Variants in SFMBT2 observed in about 807,000 individuals in gnomAD.
SFMBT2 encodes Scm like with four mbt domains 2, also known as scm-like with four MBT domains protein 2.
Under a neutral mutation model 110.1 loss-of-function variants are expected in SFMBT2, and 38 were observed. The ratio of observed to expected loss-of-function variants is 0.35; its 90% CI spans 0.27 to 0.45. The LOEUF (loss-of-function observed/expected upper bound fraction) is 0.45, where lower values mean the gene tolerates loss of function less well. Among genes scored for constraint, SFMBT2 ranks in the 20% least tolerant of loss-of-function variants. The pLI is 1.00. For synonymous variants in SFMBT2, 425 were observed against 425.4 expected (o/e 1.00, Z 0.01); for missense variants, 1,011 against 1,094.9 (o/e 0.92, Z 1.08).
intron 4 of SFMBT2, among the ~76,000 whole-genome samples, chr10:7,336,961 C>A (rs1450317713): frequency 6.6e-6 from 1 of 152,220 alleles, no homozygotes; most frequent in South Asian, 2.1e-4. Context: ...ACCATTAGAC[C>A]CAACTATTTA....
intron 16 of SFMBT2, among the ~76,000 whole-genome samples, chr10:7,187,680 T>C (rs1838460434): frequency 6.6e-6 from 1 of 152,210 alleles, no homozygotes; most frequent in Admixed American, 6.5e-5. Flanking sequence ...ACATCTTCAG[T>C]CACAGTACTA....
intron 2 of SFMBT2, among the ~76,000 whole-genome samples, chr10:7,371,644 T>C (rs1314560050): frequency 6.6e-6 from 1 of 152,220 alleles, no homozygotes; most frequent in Non-Finnish European, 1.5e-5. Context: ...GGCAAGGCCA[T>C]GATAAGAACA....
At chr10:7,364,005 T>C (rs890653062) in intron 4 of SFMBT2, among the ~76,000 whole-genome samples, 7 of 152,174 alleles carry the variant, frequency 4.6e-5, no homozygotes, top group Non-Finnish European at 7.3e-5. Context: ...TTTACAATGA[T>C]ATCAGGTCTC....
intron 11 of SFMBT2, among the ~76,000 whole-genome samples, chr10:7,217,833 C>T (rs1588349722): frequency 1.3e-5 from 2 of 152,200 alleles, no homozygotes; most frequent in South Asian, 4.1e-4. Flanking sequence ...GAAGGCACTG[C>T]CTCCTTTCCG....
chr10:7,332,147 A>G (rs180749917), intron 4 of SFMBT2, among the ~76,000 whole-genome samples: 16 of 152,280 alleles, frequency 1.1e-4, no homozygotes, highest in Non-Finnish European at 5.9e-5. Context: ...TCTTGGTACC[A>G]ATGAGCCACT....
At chr10:7,303,407 A>C (rs1048350640) in intron 4 of SFMBT2, among the ~76,000 whole-genome samples, 1 of 152,234 alleles carries the variant, frequency 6.6e-6, no homozygotes, top group Admixed American at 6.5e-5. Context: ...TTCATGCCAG[A>C]TGAGTACAGA....
At chr10:7,290,859 G>A (rs1242448082) in intron 4 of SFMBT2, among the ~76,000 whole-genome samples, 5 of 152,098 alleles carry the variant, frequency 3.3e-5, no homozygotes, top group Non-Finnish European at 7.4e-5. Context: ...AAGAAAGCAA[G>A]CTATCTACAA....
At chr10:7,397,189 C>T (rs1343822917) in intron 1 of SFMBT2, among the ~76,000 whole-genome samples, 1 of 152,062 alleles carries the variant, frequency 6.6e-6, no homozygotes, top group Non-Finnish European at 1.5e-5. Context: ...TCATCAGGTC[C>T]CCCCAGGCTC....
At chr10:7,228,723 CTT>C (rs1275127829) in intron 9 of SFMBT2, among the ~76,000 whole-genome samples, 24 of 115,202 alleles carry the variant, frequency 2.1e-4, no homozygotes, top group African/African-American at 8.9e-4. Flanking sequence ...TTCTTTCTTT[CTT>C]TCTTTCTTTC....
At chr10:7,206,196 C>A (rs897637277) in intron 11 of SFMBT2, 2 of 985,318 alleles carry the variant, frequency 2.0e-6, no homozygotes, top group African/African-American at 1.7e-5. Flanking sequence ...AGATACTCTG[C>A]CCTAAAAGTA....
chr10:7,288,959 C>T (rs143377938), intron 4 of SFMBT2, among the ~76,000 whole-genome samples: 2,069 of 150,912 alleles, frequency 0.014, 26 homozygotes, highest in Non-Finnish European at 0.023. Context: ...TGCCACTGCA[C>T]TCTAGCCTGG....
At chr10:7,317,990 T>G (rs1398897843) in intron 4 of SFMBT2, among the ~76,000 whole-genome samples, 1 of 152,238 alleles carries the variant, frequency 6.6e-6, no homozygotes, top group Non-Finnish European at 1.5e-5. Context: ...AGACGGTGGC[T>G]GCAAACCACA....
In SFMBT2 at chr10:7,314,999, A is replaced by AAAAG. The variant is rs1003799490; in HGVS notation, c.437-29049_437-29046dup. On this transcript the variant is annotated intron_variant, in intron 4 of 20. Transcript: ENST00000397167. Reference sequence around the variant, plus strand: ...GAGGGAGAAAGAGAAAGAAAGAAAGAAAAGAAAGAAAGAAAGAAAAGAGAG... The same window carrying AAAAG: ...GAGGGAGAAAGAGAAAGAAAGAAAGAAAAGAAAGAAAGAAAGAAAGAAAAGAGAG... Among the ~76,000 whole-genome samples the AAAAG allele has an allele frequency of 7.8e-3, 1,158 of 148,376 alleles. 20 individuals are homozygous for AAAAG. Among genetic ancestry groups the AAAAG allele is most frequent in the Middle Eastern group, 0.035 (10 of 288 alleles).
intron 9 of SFMBT2, among the ~76,000 whole-genome samples, chr10:7,242,163 T>C (rs1320674375): frequency 1.3e-5 from 2 of 152,146 alleles, no homozygotes; most frequent in Non-Finnish European, 2.9e-5. Context: ...AGGTCGTTGA[T>C]AATATGACTC....
intron 16 of SFMBT2, chr10:7,176,458 C>T (rs555295768): frequency 2.3e-5 from 23 of 983,686 alleles, no homozygotes; most frequent in African/African-American, 2.1e-4. Context: ...ATGAGCGGTG[C>T]GGGATACATA....
chr10:7,231,473 G>A (rs147275686), intron 9 of SFMBT2, among the ~76,000 whole-genome samples: 118 of 152,190 alleles, frequency 7.8e-4, no homozygotes, highest in African/African-American at 2.7e-3. Context: ...GGAAGTCACC[G>A]CTATTCCCTA....
rs11812928 is a variant in SFMBT2 at position 7,368,033 on chromosome 10, A to G, written c.196-144T>C. The stretch of plus-strand genomic sequence containing the variant: ...AGGCATGTATTTATCTAAGTAATAC[A>G]CTATGGAAGCCACAAACGTAATGCT... On this transcript the variant is annotated intron_variant, in intron 3 of 20. Coordinates refer to ENST00000397167, the MANE Select transcript of SFMBT2 (RefSeq NM_001387889.1). 2.2e-3 allele frequency: 2,698 copies of G among 1,238,098 alleles called. 64 individuals are homozygous for G. In the African/African-American group the frequency reaches 0.037, roughly 17 times the overall value. 76.7% of individuals were successfully genotyped at this position (1,238,098 alleles called of 1,614,324 possible). A position where few individuals can be genotyped will look rare whatever the true frequency, so the allele number is the denominator to read the frequency against.
intron 1 of SFMBT2, among the ~76,000 whole-genome samples, chr10:7,386,828 T>C (rs1021337173): frequency 6.6e-6 from 1 of 152,202 alleles, no homozygotes; most frequent in Non-Finnish European, 1.5e-5. Flanking sequence ...CATGCACTTA[T>C]TTAATCCTCA....
At position 7,159,372 on chromosome 10, in the gene SFMBT2, G is replaced by C. The variant is rs1837490150; in HGVS notation, c.*4398C>G. 1 of 152,134 alleles carries C rather than the reference G, an allele frequency of 6.6e-6. No homozygotes were observed. The highest frequency in any genetic ancestry group is 2.1e-4 in the South Asian group (1 of 4,820). The allele number at this position is 152,134 out of a possible 1,614,324, so 9.4% of individuals were successfully genotyped here. A position where few individuals can be genotyped will look rare whatever the true frequency, so the allele number is the denominator to read the frequency against. The stretch of plus-strand genomic sequence containing the variant: ...TTGATTTTATCATAGTATGTTTGGG[G>C]TATCTGCAAACCATTCTAGTGATAG... On this transcript the variant is annotated 3_prime_UTR_variant, in exon 21 of 21. Transcript: ENST00000397167.
Sources: gnomAD v4.1 joint callset for allele counts (sites outside exome capture counted in the v4.1 genomes callset) on GRCh38, gnomAD v4.1.1 for gene constraint, MANE v1.5 for transcripts, NCBI Gene and HGNC (gene_info 2026-07-23, HGNC 2026-07-21) for gene names.